Variants in ATXN1L observed in about 807,000 individuals in gnomAD.
ATXN1L encodes ataxin-1-like.
A neutral mutation model predicts 43.4 loss-of-function variants in ATXN1L; 8 were observed. The observed-to-expected ratio is 0.18, with a 90% confidence interval of 0.11 to 0.33. The LOEUF (loss-of-function observed/expected upper bound fraction) is 0.33, where lower values mean the gene tolerates loss of function less well. Ranked by LOEUF, ATXN1L falls within the 10% of genes least tolerant of loss-of-function variation. The pLI is 1.00. For missense variants in ATXN1L, 856 were observed against 885.4 expected, an observed-to-expected ratio of 0.97 and a Z score of 0.42; for synonymous variants, 379 against 360.6, an observed-to-expected ratio of 1.05 and a Z score of -0.58.
At position 71,851,390 on chromosome 16, in the gene ATXN1L, G is replaced by A. The variant is rs1251988975; in HGVS notation, c.1650G>A (p.Gln550=). ...AGCACCCCTTCTTTGTATATGGCCA[G>A]GGTTGGTCCTCTTGCAGCCCTGGGC... ...PPEHPFFVYG[Q]GWSSCSPGRT... Residue 550 remains glutamine, a synonymous_variant, in exon 3 of 3, where the codon CAG becomes CAA. Coordinates refer to ENST00000427980, the MANE Select transcript of ATXN1L (RefSeq NM_001137675.4). The surrounding 1 kb of genome is among the most constrained non-coding windows in gnomAD (Gnocchi z 4.9). The A allele has an allele frequency of 6.4e-7, 1 of 1,551,620 alleles. No homozygotes were observed. The highest frequency in any genetic ancestry group is 8.7e-7 in the Non-Finnish European group (1 of 1,146,990).
chr16:71,849,718 C>T lies in ATXN1L; in HGVS notation c.-23C>T, dbSNP rs2033477998. ...AGGGAGCAAGTCGACTCCTTCCAGGCTCCAGGAACACCACAAAGCAATATG... is the reference window on the plus strand; with the variant it reads ...AGGGAGCAAGTCGACTCCTTCCAGGTTCCAGGAACACCACAAAGCAATATG... On this transcript the variant is annotated 5_prime_UTR_variant, in exon 3 of 3. Transcript: ENST00000427980. The T allele has an allele frequency of 1.4e-6, 2 of 1,473,682 alleles. No individual in the cohort carries two copies. Among genetic ancestry groups the T allele is most frequent in the African/African-American group, 2.8e-5 (2 of 70,928 alleles). The allele number at this position is 1,473,682 out of a possible 1,614,324, so 91.3% of individuals were successfully genotyped here.
At chr16:71,847,982 T>G (rs1164765037) in intron 1 of ATXN1L, 28 bp from the exon 2 acceptor site, 3 of 455,180 alleles carry the variant, frequency 6.6e-6, no homozygotes, top group Non-Finnish European at 4.4e-6. Flanking sequence ...AGGCAGCCGC[T>G]TACTCCATTC....
rs2033498446 is a variant in ATXN1L, at chr16:71,851,183, G to A, written c.1443G>A (p.Glu481=). Residue 481 remains glutamate, a synonymous_variant, in exon 3 of 3, where the codon GAG becomes GAA. Coordinates refer to ENST00000427980, the MANE Select transcript of ATXN1L (RefSeq NM_001137675.4). This position sits in a 1 kb window ranked among gnomAD's most constrained non-coding sequence, Gnocchi z 4.9. The stretch of plus-strand genomic sequence containing the variant: ...CCATCATCCAGCTGGCTACGGGAGA[G>A]CTGAAGCGGGTGGAGGACCTCCAGA... ...KGAIIQLATG[E]LKRVEDLQTQ... is the part of the protein sequence containing the mutation. 3 of 1,551,550 alleles carry A rather than the reference G, an allele frequency of 1.9e-6. No homozygotes were observed. The highest frequency in any genetic ancestry group is 2.0e-5 in the Admixed American group (1 of 50,980).
rs965394666 is a variant in ATXN1L, at chr16:71,854,833, A to G, written c.*3023A>G. ...GTGTATACCAATTTGGGAATAGGGGAACCCAGTCATGGATGGATAATAAGC... is the reference window on the plus strand; with the variant it reads ...GTGTATACCAATTTGGGAATAGGGGGACCCAGTCATGGATGGATAATAAGC... On this transcript the variant is annotated 3_prime_UTR_variant, in exon 3 of 3. Coordinates refer to ENST00000427980, the MANE Select transcript of ATXN1L (RefSeq NM_001137675.4). 1 of 167,002 alleles carries G rather than the reference A, an allele frequency of 6.0e-6. No homozygotes were observed. Among genetic ancestry groups the G allele is most frequent in the Admixed American group, 6.5e-5 (1 of 15,274 alleles). The allele number at this position is 167,002 out of a possible 1,614,324, so 10.3% of individuals were successfully genotyped here. A position where few individuals can be genotyped will look rare whatever the true frequency, so the allele number is the denominator to read the frequency against.
At chr16:71,846,724 C>T (rs1051476979) in intron 1 of ATXN1L, among the ~76,000 whole-genome samples, 2 of 152,128 alleles carry the variant, frequency 1.3e-5, no homozygotes, top group African/African-American at 4.8e-5. Context: ...GTGAGGTTCT[C>T]GAGAGGCGGA....
chr16:71,848,083 A>C lies in ATXN1L; in HGVS notation c.-118+12A>C, dbSNP rs1353416916. On this transcript the variant is annotated intron_variant, in intron 2 of 2. Coordinates refer to ENST00000427980, the MANE Select transcript of ATXN1L (RefSeq NM_001137675.4). ...CACTGGAAACTCAGGTAATACCGGCACTTTGAATTCCTTGTTTCAGGAAAA... is the reference window on the plus strand; with the variant it reads ...CACTGGAAACTCAGGTAATACCGGCCCTTTGAATTCCTTGTTTCAGGAAAA... 1 of 455,814 alleles carries C rather than the reference A, an allele frequency of 2.2e-6. No homozygotes were observed. The highest frequency in any genetic ancestry group is 1.6e-5 in the South Asian group (1 of 64,506). 28.2% of individuals were successfully genotyped at this position (455,814 alleles called of 1,614,324 possible).
rs775797893 is a variant in ATXN1L, at chr16:71,850,732, C to G, written c.992C>G (p.Pro331Arg). 2.4e-5 allele frequency: 37 copies of G among 1,551,576 alleles called. 1 individual carries two copies. In the Admixed American group the frequency reaches 4.7e-4, roughly 20 times the overall value. The change falls in exon 3 of 3, where the codon CCG becomes CGG. Residue 331 changes from proline to arginine, a missense_variant. Coordinates refer to ENST00000427980, the MANE Select transcript of ATXN1L (RefSeq NM_001137675.4). ...EVAAPAHRGT[P>R]DTDLEVQRVV... The stretch of plus-strand genomic sequence containing the variant: ...GCAGCACCAGCACACCGGGGGACCC[C>G]GGACACTGACCTTGAGGTCCAGCGG...
Position 71,850,780 on chromosome 16 carries a change from A to C in ATXN1L, c.1040A>C (p.Gln347Pro), listed in dbSNP as rs1313238706. The C allele has an allele frequency of 6.4e-7, 1 of 1,551,680 alleles. No individual in the cohort carries two copies. The change falls in exon 3 of 3, where the codon CAG (glutamine) becomes CCG (proline). Residue 347 changes from glutamine (Q) to proline (P), a missense_variant. By Grantham distance (76) the Gln-to-Pro change is moderately conservative. Transcript: ENST00000427980. ...CGGGTGGTTGGCGCTTTAGCTTCTC[A>C]GGACTATCGTGTGGTGGCAGCTCAG... ...VQRVVGALASQDYRVVAAQRK... is the reference protein window; with the variant it reads ...VQRVVGALASPDYRVVAAQRK...
chr16:71,849,577 C>T (rs996921871), intron 2 of ATXN1L, 47 bp from the exon 3 acceptor site: 1 of 621,432 alleles, frequency 1.6e-6, no homozygotes, highest in Non-Finnish European at 2.6e-6. Flanking sequence ...TTTGTCTTGG[C>T]TCATCCCTAG....
rs1461631691 is a variant in ATXN1L, at chr16:71,850,681, G to A, written c.941G>A (p.Gly314Asp). ...ECVVDGQLFS[G>D]SQTPRVEVAA... ...GTGGTGGATGGACAGTTGTTTTCAG[G>A]TTCTCAGACTCCACGGGTAGAGGTA... The change falls in exon 3 of 3, where the codon GGT becomes GAT. Residue 314 changes from glycine (G) to aspartate (D), a missense_variant. By Grantham distance (94) the Gly-to-Asp change is moderately conservative. Transcript: ENST00000427980. 2 of 1,551,710 alleles carry A rather than the reference G, an allele frequency of 1.3e-6. No individual in the cohort carries two copies. Among genetic ancestry groups the A allele is most frequent in the Non-Finnish European group, 1.7e-6 (2 of 1,147,002 alleles).
chr16:71,850,259 C>T lies in ATXN1L; in HGVS notation c.519C>T (p.His173=), dbSNP rs1165921331. The part of the protein sequence containing the change: ...SANLATSHLP[H]FVPYASLLAE... ...ACCTTGCCACCTCTCACCTTCCACA[C>T]TTTGTGCCATATGCCTCACTTCTGG... Residue 173 remains histidine (H), a synonymous_variant, in exon 3 of 3, where the codon CAC becomes CAT. Transcript: ENST00000427980. 5.2e-6 allele frequency: 8 copies of T among 1,551,716 alleles called. No individual in the cohort carries two copies. Among genetic ancestry groups the T allele is most frequent in the Middle Eastern group, 1.7e-4 (1 of 5,992 alleles).
At position 71,850,363 on chromosome 16, in the gene ATXN1L, C is replaced by G; in HGVS notation, c.623C>G (p.Ser208Cys). The change falls in exon 3 of 3, where the codon TCT (serine) becomes TGT (cysteine). Residue 208 changes from serine to cysteine, a missense_variant. Transcript: ENST00000427980. ...FNKAPSATSPSGQLPHHSSTQ... is the reference protein window; with the variant it reads ...FNKAPSATSPCGQLPHHSSTQ... ...AAAGCTCCCTCTGCCACCTCCCCATCTGGGCAATTGCCACATCATTCAAGT... is the reference window on the plus strand; with the variant it reads ...AAAGCTCCCTCTGCCACCTCCCCATGTGGGCAATTGCCACATCATTCAAGT... 1.3e-6 allele frequency: 2 copies of G among 1,551,736 alleles called. No individual in the cohort carries two copies. The highest frequency in any genetic ancestry group is 2.4e-5 in the South Asian group (2 of 84,066).
Position 71,851,319 on chromosome 16 carries a change from G to A in ATXN1L, c.1579G>A (p.Val527Met). ...GCCTGGATTTGTCATGCTGCATTTTGTGGTTGGTGAGCAGCAGAGCAAAGT... is the reference window on the plus strand; with the variant it reads ...GCCTGGATTTGTCATGCTGCATTTTATGGTTGGTGAGCAGCAGAGCAAAGT... ...QWPGFVMLHF[V>M]VGEQQSKVSI... The change falls in exon 3 of 3, where the codon GTG becomes ATG. Residue 527 changes from valine to methionine, a missense_variant. Val to Met is a conservative substitution (Grantham distance 21, BLOSUM62 1). Coordinates refer to ENST00000427980, the MANE Select transcript of ATXN1L (RefSeq NM_001137675.4). This position sits in a 1 kb window ranked among gnomAD's most constrained non-coding sequence, Gnocchi z 4.9. 1 of 1,551,708 alleles carries A rather than the reference G, an allele frequency of 6.4e-7. No individual in the cohort carries two copies. The highest frequency in any genetic ancestry group is 8.7e-7 in the Non-Finnish European group (1 of 1,146,988).
chr16:71,852,069 G>C lies in ATXN1L; in HGVS notation c.*259G>C, dbSNP rs746243827. The C allele has an allele frequency of 4.6e-4, 156 of 340,692 alleles. No homozygotes were observed. Among genetic ancestry groups the C allele is most frequent in the Non-Finnish European group, 6.5e-4 (117 of 181,224 alleles). The allele number at this position is 340,692 out of a possible 1,614,324, so 21.1% of individuals were successfully genotyped here. ...CAAGGAAGGAAGGGGGTGCACACAG[G>C]AGAAGAAACATTCCAAAATCAGGGC... On this transcript the variant is annotated 3_prime_UTR_variant, in exon 3 of 3. Coordinates refer to ENST00000427980, the MANE Select transcript of ATXN1L (RefSeq NM_001137675.4).
chr16:71,852,030 C>T lies in ATXN1L; in HGVS notation c.*220C>T. On this transcript the variant is annotated 3_prime_UTR_variant, in exon 3 of 3. Coordinates refer to ENST00000427980, the MANE Select transcript of ATXN1L (RefSeq NM_001137675.4). Reference sequence around the variant, plus strand: ...CCCCAGAGGGTGTTGTGATGGGGAGCAGCAGGCCTGGGGCAAGGAAGGAAG... The same window carrying T: ...CCCCAGAGGGTGTTGTGATGGGGAGTAGCAGGCCTGGGGCAAGGAAGGAAG... The T allele has an allele frequency of 2.3e-6, 1 of 433,122 alleles. No individual in the cohort carries two copies. The highest frequency in any genetic ancestry group is 3.8e-5 in the East Asian group (1 of 26,082). 26.8% of individuals were successfully genotyped at this position (433,122 alleles called of 1,614,324 possible).
rs1308634918 is a variant in ATXN1L, at chr16:71,852,607, C to CA, written c.*798dup. On this transcript the variant is annotated 3_prime_UTR_variant, in exon 3 of 3. Coordinates refer to ENST00000427980, the MANE Select transcript of ATXN1L (RefSeq NM_001137675.4). Reference sequence around the variant, plus strand: ...AGGCAGGCCCTCTGGAAAGGTAGCTCACCTAACAAAGCTCCTCCATCTCAG... The same window carrying CA: ...AGGCAGGCCCTCTGGAAAGGTAGCTCAACCTAACAAAGCTCCTCCATCTCAG... The CA allele has an allele frequency of 6.0e-6, 1 of 167,142 alleles. No homozygotes were observed. Among genetic ancestry groups the CA allele is most frequent in the East Asian group, 1.9e-4 (1 of 5,198 alleles). 10.4% of individuals were successfully genotyped at this position (167,142 alleles called of 1,614,324 possible).
chr16:71,850,235 C>T lies in ATXN1L; in HGVS notation c.495C>T (p.Asn165=). 5 of 1,551,712 alleles carry T rather than the reference C, an allele frequency of 3.2e-6. No individual in the cohort carries two copies. Among genetic ancestry groups the T allele is most frequent in the Non-Finnish European group, 4.4e-6 (5 of 1,146,994 alleles). ...LPSPLLSPSA[N]LATSHLPHFV... ...GTCCCCTCCTATCTCCTTCTGCCAA[C>T]CTTGCCACCTCTCACCTTCCACACT... Residue 165 remains asparagine (N), a synonymous_variant, in exon 3 of 3, where the codon AAC becomes AAT. Coordinates refer to ENST00000427980, the MANE Select transcript of ATXN1L (RefSeq NM_001137675.4).
intron 2 of ATXN1L, 30 bp downstream of exon 2, chr16:71,848,101 C>G (rs1339564917): frequency 2.2e-6 from 1 of 454,978 alleles, no homozygotes; most frequent in Non-Finnish European, 4.4e-6. Context: ...TTCCTTGTTT[C>G]AGGAAAATAT....
chr16:71,851,748 C>T lies in ATXN1L; in HGVS notation c.2008C>T (p.Pro670Ser). Residue 670 changes from proline (P) to serine (S), a missense_variant, in exon 3 of 3, where the codon CCC (proline) becomes TCC (serine). By Grantham distance (74) the Pro-to-Ser change is moderately conservative. This residue lies in a region of ATXN1L where 185 missense variants were observed against 176.8 expected (regional missense o/e 1.05). Transcript: ENST00000427980. The surrounding 1 kb of genome is among the most constrained non-coding windows in gnomAD (Gnocchi z 4.9). ...GGAGGCACGGGCTGCGCTGCTCCGT[C>T]CCTCTTTCATTCCACAGGAGGTAAA... ...GEEARAALLRPSFIPQEVKLS... is the reference protein window; with the variant it reads ...GEEARAALLRSSFIPQEVKLS... 6.9e-7 allele frequency: 1 copy of T among 1,451,128 alleles called. No individual in the cohort carries two copies. The highest frequency in any genetic ancestry group is 9.1e-7 in the Non-Finnish European group (1 of 1,097,842). The allele number at this position is 1,451,128 out of a possible 1,614,324, so 89.9% of individuals were successfully genotyped here.
Sources: gnomAD v4.1 joint callset for allele counts (sites outside exome capture counted in the v4.1 genomes callset) on GRCh38, gnomAD v4.1.1 for gene constraint, gnomAD v4.1.1 regional missense constraint, Gnocchi (gnomAD v3.1) non-coding constraint, MANE v1.5 for transcripts, NCBI Gene and HGNC (gene_info 2026-07-23, HGNC 2026-07-21) for gene names.